Variants in SGCD observed in about 807,000 individuals in gnomAD.
SGCD encodes delta-sarcoglycan.
SGCD carries 18 observed loss-of-function variants against 36.6 expected under a neutral mutation model. The ratio of observed to expected loss-of-function variants is 0.49; its 90% CI spans 0.34 to 0.73. The LOEUF is 0.73. Ranked by LOEUF, SGCD falls within the 30% of genes least tolerant of loss-of-function variation. The probability of loss-of-function intolerance (pLI) is 0.01; values close to 1 mark genes in which losing one functional copy is unlikely to be tolerated. For synonymous variants in SGCD, 133 were observed against 130.6 expected (o/e 1.02, Z -0.12); for missense variants, 387 against 346.7 (o/e 1.12, Z -0.92).
intron 6 of SGCD, among the ~76,000 whole-genome samples, chr5:156,621,858 C>T (rs1289298505): frequency 3.9e-5 from 6 of 152,164 alleles, no homozygotes; most frequent in African/African-American, 1.4e-4. Context: ...AGGTGTTGTT[C>T]TCATCTCTTT....
At chr5:156,654,075 G>A (rs2113608388) in intron 7 of SGCD, among the ~76,000 whole-genome samples, 1 of 152,144 alleles carries the variant, frequency 6.6e-6, no homozygotes, top group South Asian at 2.1e-4. Context: ...AAAATCAACT[G>A]ACAGCAGGCA....
At chr5:155,934,458 GACAA>G (rs1429470055) in intron 1 of SGCD, among the ~76,000 whole-genome samples, 1 of 152,136 alleles carries the variant, frequency 6.6e-6, no homozygotes, top group African/African-American at 2.4e-5. Context: ...CCCACTACCT[GACAA>G]ACAGAATAAC....
chr5:156,188,868 C>G (rs982194023), intron 3 of SGCD, among the ~76,000 whole-genome samples: 4 of 152,150 alleles, frequency 2.6e-5, no homozygotes, highest in Non-Finnish European at 4.4e-5. Flanking sequence ...TTCATTCTCC[C>G]TAGTAATTCC....
intron 3 of SGCD, 67 bp downstream of exon 3, chr5:156,344,744 A>C (rs1275547246): frequency 8.1e-7 from 1 of 1,239,512 alleles, no homozygotes; most frequent in East Asian, 2.4e-5. Flanking sequence ...AAGATGATGA[A>C]GGAATGTGGA....
At chr5:156,617,386 G>A (rs927557208) in intron 6 of SGCD, among the ~76,000 whole-genome samples, 3 of 152,214 alleles carry the variant, frequency 2.0e-5, no homozygotes, top group African/African-American at 7.2e-5. Context: ...AATGAAACTT[G>A]GCAAGTAATT....
intron 7 of SGCD, among the ~76,000 whole-genome samples, chr5:156,735,336 A>T (rs1320320298): frequency 6.6e-6 from 1 of 152,118 alleles, no homozygotes; most frequent in Non-Finnish European, 1.5e-5. Flanking sequence ...AAAGGCTGGA[A>T]CTACTAAGCC....
intron 6 of SGCD, among the ~76,000 whole-genome samples, chr5:156,622,358 A>C (rs562807496): frequency 6.6e-6 from 1 of 151,506 alleles, no homozygotes; most frequent in African/African-American, 2.4e-5. Context: ...ACTTGAACCC[A>C]GAAGGCAGAG....
chr5:156,533,697 C>T (rs1278396598), intron 4 of SGCD, among the ~76,000 whole-genome samples: 1 of 152,112 alleles, frequency 6.6e-6, no homozygotes, highest in African/African-American at 2.4e-5. Context: ...CTCTAGATGC[C>T]TAACAGAGAT....
intron 4 of SGCD, among the ~76,000 whole-genome samples, chr5:156,526,152 A>AATGTG (rs1317077688): frequency 1.3e-5 from 2 of 152,114 alleles, no homozygotes; most frequent in African/African-American, 2.4e-5. Context: ...AGTCTTCTAA[A>AATGTG]ATGTGCTTCC....
rs181362936 is a variant in SGCD, at chr5:156,588,878, A to G, written c.295-353A>G. Among the ~76,000 whole-genome samples the G allele has an allele frequency of 2.6e-3, 399 of 152,210 alleles. 3 individuals are homozygous for G. Among genetic ancestry groups the G allele is most frequent in the African/African-American group, 9.2e-3 (383 of 41,530 alleles). On this transcript the variant is annotated intron_variant, in intron 4 of 8. Transcript: ENST00000337851. ...ATTAGGAGATTATCATTCATTTCTG[A>G]TCATTCTGTATACCAAGACTAATAT...
the SGCD span, among the ~76,000 whole-genome samples, chr5:155,836,269 C>A: frequency 1.3e-5 from 2 of 152,170 alleles, no homozygotes; most frequent in East Asian, 3.9e-4. Flanking sequence ...AGATGTGGAG[C>A]CCTCCCTGGG....
Position 156,647,394 on chromosome 5 carries a change from G to T in SGCD, c.503-70G>T, listed in dbSNP as rs1056584060. On this transcript the variant is annotated intron_variant, in intron 6 of 8. Transcript: ENST00000337851. ...GATTCGCTGCATTTAGCTCCAATCA[G>T]TGTGCTGATTGTGCCTACAGGTGAC... is the stretch of plus-strand genomic sequence containing the variant. The T allele has an allele frequency of 8.9e-6, 9 of 1,007,042 alleles. No individual in the cohort carries two copies. The Admixed American group carries it at 1.9e-4, about 21-fold the overall frequency. 62.4% of individuals were successfully genotyped at this position (1,007,042 alleles called of 1,614,324 possible). A position where few individuals can be genotyped will look rare whatever the true frequency, so the allele number is the denominator to read the frequency against.
intron 3 of SGCD, among the ~76,000 whole-genome samples, chr5:156,175,930 G>A (rs1016680038): frequency 2.0e-5 from 3 of 150,900 alleles, no homozygotes; most frequent in Non-Finnish European, 2.9e-5. Flanking sequence ...GCATACATGC[G>A]GCTATTTTTC....
intron 3 of SGCD, among the ~76,000 whole-genome samples, chr5:156,233,950 T>G (rs1765089340): frequency 6.6e-6 from 1 of 152,240 alleles, no homozygotes; most frequent in South Asian, 2.1e-4. Flanking sequence ...TCTCAAAAAC[T>G]TTTTGTAAAA....
chr5:156,202,722 T>G (rs1040702313), intron 3 of SGCD, among the ~76,000 whole-genome samples: 2 of 151,520 alleles, frequency 1.3e-5, no homozygotes, highest in Non-Finnish European at 2.9e-5. Context: ...CTCAGTGTGT[T>G]CATGAAAACG....
chr5:156,255,121 A>G (rs771766547), intron 3 of SGCD, among the ~76,000 whole-genome samples: 3 of 152,212 alleles, frequency 2.0e-5, no homozygotes, highest in Non-Finnish European at 2.9e-5. Flanking sequence ...TTTTGCGTTT[A>G]GACTTGGGTC....
intron 1 of SGCD, among the ~76,000 whole-genome samples, chr5:156,075,463 T>G (rs1430376594): frequency 6.6e-6 from 1 of 152,202 alleles, no homozygotes; most frequent in Non-Finnish European, 1.5e-5. Flanking sequence ...GGGATTTTGA[T>G]CTTTCAAGAT....
intron 3 of SGCD, among the ~76,000 whole-genome samples, chr5:156,357,147 A>G (rs1769534032): frequency 6.6e-6 from 1 of 152,206 alleles, no homozygotes; most frequent in South Asian, 2.1e-4. Flanking sequence ...CAATGCTATT[A>G]AGCGTGCAGT....
At chr5:156,014,277 A>G (rs1561682754) in intron 1 of SGCD, among the ~76,000 whole-genome samples, 1 of 152,178 alleles carries the variant, frequency 6.6e-6, no homozygotes, top group East Asian at 1.9e-4. Flanking sequence ...ATTTCTTCCA[A>G]TTAAATGTAG....
Sources: gnomAD v4.1 joint callset for allele counts (sites outside exome capture counted in the v4.1 genomes callset) on GRCh38, gnomAD v4.1.1 for gene constraint, MANE v1.5 for transcripts, NCBI Gene and HGNC (gene_info 2026-07-23, HGNC 2026-07-21) for gene names.